The following CPED1 variants were observed in gnomAD, a reference collection of about 807,000 sequenced individuals.
The protein encoded by CPED1 is cadherin-like and PC-esterase domain-containing protein 1.
Under a neutral mutation model 128.2 loss-of-function variants are expected in CPED1, and 114 were observed. That is an observed-to-expected ratio of 0.89 (90% CI 0.76 to 1.04). The LOEUF (loss-of-function observed/expected upper bound fraction) is 1.04. CPED1 is among the 50% of genes least tolerant of loss of function. The pLI is 0.00. For synonymous variants in CPED1, 462 were observed against 426.7 expected (o/e 1.08, Z -1.02); for missense variants, 1,211 against 1,207.1 (o/e 1.00, Z -0.05).
intron 18 of CPED1, among the ~76,000 whole-genome samples, chr7:121,258,992 G>T (rs1791950595): frequency 6.6e-6 from 1 of 152,020 alleles, no homozygotes; most frequent in Non-Finnish European, 1.5e-5. Flanking sequence ...ATTTGGCCAG[G>T]GCATTGAGAA....
intron 16 of CPED1, among the ~76,000 whole-genome samples, chr7:121,167,022 C>T (rs1022751484): frequency 1.3e-5 from 2 of 152,160 alleles, no homozygotes; most frequent in African/African-American, 2.4e-5. Flanking sequence ...GCTGCCTTCG[C>T]TAATCATTCA....
rs1465644376 is a variant in CPED1 at position 121,014,317 on chromosome 7, C to T, written c.250-1348C>T. ...CCTGTAATCCCAGCACTTCGGGAGGCCGAGGTGGGCGGATCACGAGGTCAG... is the reference window on the plus strand; with the variant it reads ...CCTGTAATCCCAGCACTTCGGGAGGTCGAGGTGGGCGGATCACGAGGTCAG... On this transcript the variant is annotated intron_variant, in intron 2 of 22. Transcript: ENST00000310396. Among the ~76,000 whole-genome samples, 3 of 152,180 alleles carry T rather than the reference C, an allele frequency of 2.0e-5. No individual in the cohort carries two copies. The East Asian group carries it at 5.8e-4, about 29-fold the overall frequency.
intron 17 of CPED1, among the ~76,000 whole-genome samples, chr7:121,242,922 TA>T (rs2116684593): frequency 1.3e-5 from 2 of 152,284 alleles, no homozygotes; most frequent in African/African-American, 4.8e-5. Flanking sequence ...TTTCATATTT[TA>T]TATTAATAAC....
chr7:121,006,743 T>G (rs1792025245), intron 2 of CPED1, among the ~76,000 whole-genome samples: 1 of 152,192 alleles, frequency 6.6e-6, no homozygotes, highest in African/African-American at 2.4e-5. Flanking sequence ...GCTATCCCTG[T>G]GTTTTTGTAA....
chr7:121,095,215 A>G (rs1201486980), intron 5 of CPED1, among the ~76,000 whole-genome samples: 1 of 152,036 alleles, frequency 6.6e-6, no homozygotes, highest in African/African-American at 2.4e-5. Context: ...TGGGCTATGG[A>G]GAAGGGGGAT....
At chr7:121,201,219 T>A (rs1797389351) in intron 16 of CPED1, among the ~76,000 whole-genome samples, 1 of 151,818 alleles carries the variant, frequency 6.6e-6, no homozygotes, top group South Asian at 2.1e-4. Flanking sequence ...GTTATAGAAA[T>A]AAATTATTAT....
At chr7:121,255,125 A>G (rs1012999821) in intron 18 of CPED1, among the ~76,000 whole-genome samples, 2 of 152,082 alleles carry the variant, frequency 1.3e-5, no homozygotes, top group Non-Finnish European at 2.9e-5. Flanking sequence ...ACTTCAGCCC[A>G]GTTTGCCTGA....
At chr7:121,113,855 A>G (rs1421635025) in intron 7 of CPED1, among the ~76,000 whole-genome samples, 1 of 151,616 alleles carries the variant, frequency 6.6e-6, no homozygotes, top group African/African-American at 2.4e-5. Flanking sequence ...TTGAGACAGA[A>G]CCTCTTTCTG....
chr7:121,110,316 T>C (rs1795078846), intron 7 of CPED1, among the ~76,000 whole-genome samples: 1 of 152,132 alleles, frequency 6.6e-6, no homozygotes, highest in Non-Finnish European at 1.5e-5. Flanking sequence ...TTGTATGGAA[T>C]GACAGATGAA....
chr7:121,182,192 G>A (rs1000662072), intron 16 of CPED1, among the ~76,000 whole-genome samples: 6 of 113,400 alleles, frequency 5.3e-5, no homozygotes, highest in East Asian at 5.6e-4. Context: ...ACTTCAATTC[G>A]ATGAGAGCTT....
At chr7:121,196,621 G>A (rs1437298953) in intron 16 of CPED1, among the ~76,000 whole-genome samples, 1 of 152,104 alleles carries the variant, frequency 6.6e-6, no homozygotes, top group Non-Finnish European at 1.5e-5. Context: ...CTGGGGACAT[G>A]TAAAATTTAG....
intron 18 of CPED1, among the ~76,000 whole-genome samples, chr7:121,252,368 A>G (rs1362800964): frequency 6.6e-6 from 1 of 152,166 alleles, no homozygotes; most frequent in African/African-American, 2.4e-5. Flanking sequence ...GAAACCCTAG[A>G]AGAAAACCTA....
At chr7:121,263,414 A>G (rs1341865373) in intron 18 of CPED1, among the ~76,000 whole-genome samples, 1 of 152,068 alleles carries the variant, frequency 6.6e-6, no homozygotes, top group Non-Finnish European at 1.5e-5. Context: ...TTGTGCTTAC[A>G]TTTTGTGCAT....
intron 4 of CPED1, among the ~76,000 whole-genome samples, chr7:121,062,064 G>T (rs1427008198): frequency 6.6e-6 from 1 of 152,174 alleles, no homozygotes. Flanking sequence ...CATTGTTTGG[G>T]GGACAGGAAA....
At chr7:121,057,417 T>C (rs1793528602) in intron 4 of CPED1, among the ~76,000 whole-genome samples, 2 of 152,224 alleles carry the variant, frequency 1.3e-5, no homozygotes, top group South Asian at 4.1e-4. Context: ...TAGTACCCTT[T>C]TTAACCCTTG....
At chr7:121,270,177 G>A (rs959900037) in intron 21 of CPED1, among the ~76,000 whole-genome samples, 2 of 152,026 alleles carry the variant, frequency 1.3e-5, no homozygotes, top group Admixed American at 1.3e-4. Context: ...GAGATTTGGA[G>A]GGGACAAATA....
intron 16 of CPED1, among the ~76,000 whole-genome samples, chr7:121,232,295 T>C (rs1458449689): frequency 6.6e-6 from 1 of 152,118 alleles, no homozygotes; most frequent in South Asian, 2.1e-4. Context: ...CGTGAAGCCT[T>C]TGAGATTTTA....
At position 121,214,983 on chromosome 7, in the gene CPED1, G is replaced by A. The variant is rs751389965; in HGVS notation, c.2056-21731G>A. On this transcript the variant is annotated intron_variant, in intron 16 of 22. Transcript: ENST00000310396. The stretch of plus-strand genomic sequence containing the variant: ...TGGGATACATTTTTTGCAGCAGACC[G>A]TATTCCATATGTCACTTGGTTGCAT... 6.6e-5 allele frequency among the ~76,000 whole-genome samples: 10 copies of A among 152,016 alleles called. 1 individual carries two copies. The highest frequency in any genetic ancestry group is 1.3e-4 in the Non-Finnish European group (9 of 67,954).
chr7:121,116,407 ATTC>A (rs1339621702), intron 7 of CPED1, among the ~76,000 whole-genome samples: 2 of 152,360 alleles, frequency 1.3e-5, no homozygotes, highest in African/African-American at 2.4e-5. Flanking sequence ...GAGTATTTAT[ATTC>A]TTAAATCATT....
Sources: allele counts gnomAD v4.1 joint callset (sites outside exome capture counted in the v4.1 genomes callset), GRCh38; gene constraint gnomAD v4.1.1; transcripts MANE v1.5; gene names NCBI Gene and HGNC (gene_info 2026-07-23, HGNC 2026-07-21).